The following TRPC7 variants were observed in gnomAD, a reference collection of about 807,000 sequenced individuals.
TRPC7 encodes transient receptor potential cation channel subfamily C member 7, also known as short transient receptor potential channel 7.
TRPC7 carries 42 observed loss-of-function variants against 90.1 expected under a neutral mutation model. That is an observed-to-expected ratio of 0.47 (90% confidence interval 0.36 to 0.60). TRPC7 has a LOEUF of 0.60. Ranked by LOEUF, TRPC7 falls within the 20% of genes least tolerant of loss-of-function variation. The pLI, the probability that TRPC7 is intolerant of heterozygous loss-of-function variation, is 0.00. For missense variants in TRPC7, 955 were observed against 1,112.3 expected (o/e 0.86, Z 2.01); for synonymous variants, 451 against 436.3 (o/e 1.03, Z -0.42).
chr5:136,313,653 C>T (rs543881398), intron 3 of TRPC7, among the ~76,000 whole-genome samples: 2 of 152,264 alleles, frequency 1.3e-5, no homozygotes, highest in Admixed American at 1.3e-4. Flanking sequence ...CGCATGATGG[C>T]ATACAAGGTT....
At chr5:136,270,624 G>GT (rs1278454208) in intron 4 of TRPC7, among the ~76,000 whole-genome samples, 1 of 152,230 alleles carries the variant, frequency 6.6e-6, no homozygotes, top group Admixed American at 6.5e-5. Context: ...AAAACAAGCT[G>GT]TAAGAGTTGG....
chr5:136,329,975 A>T (rs1759450754), intron 2 of TRPC7, among the ~76,000 whole-genome samples: 2 of 152,116 alleles, frequency 1.3e-5, no homozygotes. Flanking sequence ...TCTCTCTGAC[A>T]CACATACACA....
intron 9 of TRPC7, 50 bp from the exon 10 acceptor site, chr5:136,225,404 C>T: frequency 1.9e-6 from 3 of 1,547,900 alleles, no homozygotes; most frequent in Non-Finnish European, 2.7e-6. Context: ...AACATACATG[C>T]ATCCCTACAT....
intron 2 of TRPC7, among the ~76,000 whole-genome samples, chr5:136,333,529 G>A (rs1355403420): frequency 2.0e-5 from 3 of 152,202 alleles, no homozygotes; most frequent in African/African-American, 7.2e-5. Context: ...TTCAGCAGGA[G>A]AATATCATGG....
chr5:136,349,078 T>C (rs1760103475), intron 2 of TRPC7, among the ~76,000 whole-genome samples: 1 of 152,160 alleles, frequency 6.6e-6, no homozygotes. Flanking sequence ...TCCACGGAGA[T>C]ATTTTTCAAA....
intron 2 of TRPC7, among the ~76,000 whole-genome samples, chr5:136,345,434 G>A (rs1162679342): frequency 1.3e-5 from 2 of 152,068 alleles, no homozygotes; most frequent in African/African-American, 4.8e-5. Flanking sequence ...GGTGGCAGGC[G>A]CCTGTAATCC....
intron 3 of TRPC7, among the ~76,000 whole-genome samples, chr5:136,275,405 C>G (rs1412596954): frequency 6.6e-6 from 1 of 151,786 alleles, no homozygotes; most frequent in Non-Finnish European, 1.5e-5. Context: ...AATCCCCTCT[C>G]TTTACCTATG....
chr5:136,335,550 C>G (rs78211791), intron 2 of TRPC7, among the ~76,000 whole-genome samples: 4,286 of 152,020 alleles, frequency 0.028, 81 homozygotes, highest in Middle Eastern at 0.071. Context: ...GTGGTTGGTA[C>G]GTTTACTGGC....
chr5:136,302,178 C>T lies in TRPC7; in HGVS notation c.963+13419G>A, dbSNP rs1403712728. Among the ~76,000 whole-genome samples the T allele has an allele frequency of 2.0e-5, 3 of 152,220 alleles. No individual in the cohort carries two copies. The East Asian group carries it at 5.8e-4, about 29-fold the overall frequency. ...ACCAGTCACGGACTGGGAAGGCAGC[C>T]TTCCCTTGGTGTTTAATCATTGCAG... On this transcript the variant is annotated intron_variant, in intron 3 of 11. Coordinates refer to ENST00000513104, the MANE Select transcript of TRPC7 (RefSeq NM_020389.3).
rs1758984223 is a variant in TRPC7 at position 136,315,506 on chromosome 5, G to A, written c.963+91C>T. 5 of 1,392,982 alleles carry A rather than the reference G, an allele frequency of 3.6e-6. No individual in the cohort carries two copies. The South Asian group carries it at 4.0e-5, about 11-fold the overall frequency. The allele number at this position is 1,392,982 out of a possible 1,614,324, so 86.3% of individuals were successfully genotyped here. ...TGGGTGTCATCATGGTCACCCTGTG[G>A]GAACATAAAATAGACATGAGCAAAA... On this transcript the variant is annotated intron_variant, in intron 3 of 11. Transcript: ENST00000513104.
chr5:136,325,473 G>T (rs914561065), intron 2 of TRPC7, among the ~76,000 whole-genome samples: 1 of 152,026 alleles, frequency 6.6e-6, no homozygotes, highest in Non-Finnish European at 1.5e-5. Flanking sequence ...CCTCCTTATA[G>T]GAGAAACTAT....
At chr5:136,256,040 CT>C (rs1373277523) in intron 5 of TRPC7, among the ~76,000 whole-genome samples, 10 of 152,158 alleles carry the variant, frequency 6.6e-5, no homozygotes, top group African/African-American at 2.4e-4. Flanking sequence ...TACACTTAAC[CT>C]GTATATTTAG....
At chr5:136,346,671 C>T (rs1013351832) in intron 2 of TRPC7, among the ~76,000 whole-genome samples, 1 of 152,136 alleles carries the variant, frequency 6.6e-6, no homozygotes, top group Non-Finnish European at 1.5e-5. Context: ...CCGGACTGAC[C>T]TCTTAGTTAG....
At chr5:136,329,120 C>A (rs554037603) in intron 2 of TRPC7, among the ~76,000 whole-genome samples, 1 of 152,308 alleles carries the variant, frequency 6.6e-6, no homozygotes, top group African/African-American at 2.4e-5. Context: ...GCCCATAGCA[C>A]ATTGACATGG....
intron 3 of TRPC7, among the ~76,000 whole-genome samples, chr5:136,302,408 A>AGGGGCTGG (rs1166801903): frequency 2.0e-5 from 3 of 152,140 alleles, no homozygotes; most frequent in Non-Finnish European, 4.4e-5. Flanking sequence ...CTTAGCGGCA[A>AGGGGCTGG]GTCCCGCTTT....
chr5:136,244,065 T>C (rs1580855495), intron 7 of TRPC7, among the ~76,000 whole-genome samples: 1 of 152,230 alleles, frequency 6.6e-6, no homozygotes, highest in East Asian at 1.9e-4. Flanking sequence ...TTAGCTGTGC[T>C]GCATCTAGTT....
rs908118852 is a variant in TRPC7, at chr5:136,289,919, G to A, written c.964-15082C>T. On this transcript the variant is annotated intron_variant, in intron 3 of 11. Transcript: ENST00000513104. ...GTAGGGGTGGATTGACACCTCACACGGCCAGGTACTCCTCTGAGACAAAAC... is the reference window on the plus strand; with the variant it reads ...GTAGGGGTGGATTGACACCTCACACAGCCAGGTACTCCTCTGAGACAAAAC... Among the ~76,000 whole-genome samples, 11 of 152,116 alleles carry A rather than the reference G, an allele frequency of 7.2e-5. No homozygotes were observed. In the South Asian group the frequency reaches 8.3e-4, roughly 11 times the overall value.
chr5:136,296,938 G>T (rs898614688), intron 3 of TRPC7, among the ~76,000 whole-genome samples: 1 of 152,064 alleles, frequency 6.6e-6, no homozygotes, highest in Non-Finnish European at 1.5e-5. Flanking sequence ...CCCCTGCCTG[G>T]GGTTCCTGTT....
At chr5:136,309,593 T>C (rs1758761271) in intron 3 of TRPC7, among the ~76,000 whole-genome samples, 1 of 152,164 alleles carries the variant, frequency 6.6e-6, no homozygotes. Flanking sequence ...CTCTTCACTA[T>C]AAGTGGCGAG....
Sources: allele counts gnomAD v4.1 joint callset (sites outside exome capture counted in the v4.1 genomes callset), GRCh38; gene constraint gnomAD v4.1.1; transcripts MANE v1.5; gene names NCBI Gene and HGNC (gene_info 2026-07-23, HGNC 2026-07-21).